TSHZ3: variants seen among roughly 807,000 people sequenced by gnomAD.
TSHZ3 encodes teashirt homolog 3.
A neutral mutation model predicts 64.5 loss-of-function variants in TSHZ3; 10 were observed. That is an observed-to-expected ratio of 0.16 (90% CI 0.10 to 0.26). The LOEUF is 0.26. Ranked by LOEUF, TSHZ3 falls within the 10% of genes least tolerant of loss-of-function variation. The probability of loss-of-function intolerance (pLI) is 1.00; values close to 1 mark genes in which losing one functional copy is unlikely to be tolerated. For missense variants in TSHZ3, 1,242 were observed against 1,421.7 expected, an observed-to-expected ratio of 0.87 and a Z score of 2.03; for synonymous variants, 608 against 593.1, an observed-to-expected ratio of 1.03 and a Z score of -0.36.
chr19:31,322,233 T>G (rs1375416801), intron 1 of TSHZ3, among the ~76,000 whole-genome samples: 1 of 152,232 alleles, frequency 6.6e-6, no homozygotes, highest in Non-Finnish European at 1.5e-5. Context: ...TCTCCTGGGT[T>G]CAAACGATTT....
chr19:31,272,514 T>A (rs1328202847), downstream of TSHZ3, among the ~76,000 whole-genome samples: 1 of 152,214 alleles, frequency 6.6e-6, no homozygotes, highest in Non-Finnish European at 1.5e-5. Flanking sequence ...TGGGTCCTCA[T>A]CATAACCAAC....
intron 1 of TSHZ3, among the ~76,000 whole-genome samples, chr19:31,316,415 G>A (rs1418940172): frequency 6.6e-6 from 1 of 152,208 alleles, no homozygotes; most frequent in East Asian, 1.9e-4. Context: ...AGACTCTGGG[G>A]AAAAGGCAGG....
At chr19:31,228,173 T>G (rs1412271715) in intron 3 of TSHZ3, among the ~76,000 whole-genome samples, 4 of 152,134 alleles carry the variant, frequency 2.6e-5, no homozygotes, top group Non-Finnish European at 5.9e-5. Flanking sequence ...ATTGCCAAGT[T>G]AAGTTAAGAG....
At chr19:31,184,300 T>C (rs1422353912) in intron 5 of TSHZ3, among the ~76,000 whole-genome samples, 1 of 152,258 alleles carries the variant, frequency 6.6e-6, no homozygotes, top group South Asian at 2.1e-4. Flanking sequence ...AAGAGCCCTA[T>C]TTCATGTTAC....
intron 5 of TSHZ3, among the ~76,000 whole-genome samples, chr19:31,195,005 A>C (rs1404264757): frequency 5.3e-5 from 8 of 152,212 alleles, no homozygotes; most frequent in African/African-American, 1.9e-4. Flanking sequence ...TCTGAGCTTC[A>C]AAGGTATCTC....
chr19:31,342,714 A>G (rs976801487), intron 1 of TSHZ3, among the ~76,000 whole-genome samples: 2 of 152,384 alleles, frequency 1.3e-5, no homozygotes, highest in Admixed American at 1.3e-4. Flanking sequence ...GTATATTACC[A>G]AACAGCCCTT....
chr19:31,288,046 C>T lies in TSHZ3; in HGVS notation c.41-8294G>A, dbSNP rs569440205. ...AACTCCTGGACTCAGGCCATCCTCCCACCTCAGCCTCCTGGGTAGCTAGGA... is the reference window on the plus strand; with the variant it reads ...AACTCCTGGACTCAGGCCATCCTCCTACCTCAGCCTCCTGGGTAGCTAGGA... On this transcript the variant is annotated intron_variant, in intron 1 of 1. Coordinates refer to ENST00000240587, the MANE Select transcript of TSHZ3 (RefSeq NM_020856.4). Among the ~76,000 whole-genome samples, 945 of 152,278 alleles carry T rather than the reference C, an allele frequency of 6.2e-3. 10 individuals carry two copies. The highest frequency in any genetic ancestry group is 0.022 in the African/African-American group (914 of 41,556).
At chr19:31,202,090 C>T (rs1975095716) in intron 5 of TSHZ3, among the ~76,000 whole-genome samples, 1 of 152,048 alleles carries the variant, frequency 6.6e-6, no homozygotes. Context: ...CGCTTGAATT[C>T]TGGAGGCGGA....
intron 1 of TSHZ3, among the ~76,000 whole-genome samples, chr19:31,258,942 G>T (rs533216956): frequency 6.6e-6 from 1 of 152,198 alleles, no homozygotes; most frequent in African/African-American, 2.4e-5. Context: ...GGCAGGTCTG[G>T]GATCCATGCC....
At chr19:31,262,613 T>C (rs114103367) in intron 1 of TSHZ3, among the ~76,000 whole-genome samples, 5,050 of 152,252 alleles carry the variant, frequency 0.033, 292 homozygotes, top group African/African-American at 0.12. Context: ...TATTTAAATG[T>C]TTTTTTATCC....
intron 4 of TSHZ3, among the ~76,000 whole-genome samples, chr19:31,213,562 C>T (rs1975289431): frequency 6.6e-6 from 1 of 151,886 alleles, no homozygotes; most frequent in South Asian, 2.1e-4. Flanking sequence ...TAGCTATGTA[C>T]TTTGGGTGGT....
intron 5 of TSHZ3, among the ~76,000 whole-genome samples, chr19:31,185,363 C>T (rs1974789288): frequency 6.6e-6 from 1 of 152,218 alleles, no homozygotes; most frequent in South Asian, 2.1e-4. Context: ...GCTCCCCAAC[C>T]CCAGCTTCCT....
At position 31,277,200 on chromosome 19, in the gene TSHZ3, G is replaced by C. The variant is rs1224933200; in HGVS notation, c.2593C>G (p.Pro865Ala). 1.9e-6 allele frequency: 3 copies of C among 1,614,216 alleles called. No individual in the cohort carries two copies. Among genetic ancestry groups the C allele is most frequent in the Non-Finnish European group, 2.5e-6 (3 of 1,180,038 alleles). The change falls in exon 2 of 2, where the codon CCT becomes GCT. Residue 865 changes from proline to alanine, a missense_variant. Physicochemically the swap from Pro to Ala is conservative, Grantham distance 27. Around this residue, in one of 4 missense-constraint regions of TSHZ3, gnomAD observed 550 missense variants for 545.1 expected, o/e 1.01. Coordinates refer to ENST00000240587, the MANE Select transcript of TSHZ3 (RefSeq NM_020856.4). The surrounding 1 kb of genome is among the most constrained non-coding windows in gnomAD (Gnocchi z 4.5). ...TCAGACTTCTCGGAGATGCTGGAAGGAGTGGAGGATTTTGACGTGTGGCTC... is the reference window on the plus strand; with the variant it reads ...TCAGACTTCTCGGAGATGCTGGAAGCAGTGGAGGATTTTGACGTGTGGCTC... Reference protein sequence around the residue: ...TESHTSKSSTPSSISEKSDID... With the variant: ...TESHTSKSSTASSISEKSDID...
chr19:31,336,040 AT>A (rs2145189218), intron 1 of TSHZ3, among the ~76,000 whole-genome samples: 1 of 152,334 alleles, frequency 6.6e-6, no homozygotes, highest in East Asian at 1.9e-4. Context: ...GAATTCTAAT[AT>A]TCAAGCCTTT....
chr19:31,188,204 T>G (rs980642734), intron 5 of TSHZ3, among the ~76,000 whole-genome samples: 1 of 151,832 alleles, frequency 6.6e-6, no homozygotes, highest in African/African-American at 2.4e-5. Context: ...TATATAAAAA[T>G]GCAAATGATT....
chr19:31,227,170 G>T (rs1432563024), intron 4 of TSHZ3, among the ~76,000 whole-genome samples: 1 of 151,240 alleles, frequency 6.6e-6, no homozygotes, highest in Admixed American at 6.6e-5. Flanking sequence ...AGTAGATATG[G>T]GGTTTCACTA....
At chr19:31,150,377 C>A (rs571495053) in exon 7 of TSHZ3, among the ~76,000 whole-genome samples, 6 of 152,300 alleles carry the variant, frequency 3.9e-5, no homozygotes, top group Admixed American at 6.5e-5. Context: ...TCTTCTAGCA[C>A]AATTAGGCAA....
At chr19:31,239,362 C>T (rs1444235791) in intron 3 of TSHZ3, among the ~76,000 whole-genome samples, 1 of 152,030 alleles carries the variant, frequency 6.6e-6, no homozygotes, top group African/African-American at 2.4e-5. Flanking sequence ...TTTCCAATTT[C>T]TGATGCCCTT....
chr19:31,329,459 T>C (rs1917014721), intron 1 of TSHZ3, among the ~76,000 whole-genome samples: 1 of 152,240 alleles, frequency 6.6e-6, no homozygotes, highest in Non-Finnish European at 1.5e-5. Flanking sequence ...CAAGTTTACT[T>C]GCACAAACAT....
Sources: gnomAD v4.1 joint callset for allele counts (sites outside exome capture counted in the v4.1 genomes callset) on GRCh38, gnomAD v4.1.1 for gene constraint, gnomAD v4.1.1 regional missense constraint, Gnocchi (gnomAD v3.1) non-coding constraint, MANE v1.5 for transcripts, NCBI Gene and HGNC (gene_info 2026-07-23, HGNC 2026-07-21) for gene names.